CSNK1E: variants seen among roughly 807,000 people sequenced by gnomAD.
CSNK1E encodes the protein casein kinase I isoform epsilon.
In CSNK1E, 17 loss-of-function variants were observed where a neutral mutation model predicts 46.1. The ratio of observed to expected loss-of-function variants is 0.37; its 90% CI spans 0.25 to 0.55. CSNK1E has a LOEUF of 0.55. Ranked by LOEUF, CSNK1E falls within the 20% of genes least tolerant of loss-of-function variation. The pLI, the probability that CSNK1E is intolerant of heterozygous loss-of-function variation, is 0.82. For synonymous variants in CSNK1E, 241 were observed against 242.6 expected (o/e 0.99, Z 0.06); for missense variants, 386 against 595.4 (o/e 0.65, Z 3.66).
chr22:38,304,185 G>A (rs983712600), intron 2 of CSNK1E, among the ~76,000 whole-genome samples: 19 of 152,136 alleles, frequency 1.2e-4, no homozygotes, highest in African/African-American at 4.3e-4. Flanking sequence ...GGACAGTGTC[G>A]CAACAGGACA....
At chr22:38,296,090 G>C in intron 7 of CSNK1E, 1 of 896,358 alleles carries the variant, frequency 1.1e-6, no homozygotes, top group Non-Finnish European at 1.3e-6. Flanking sequence ...CAGAGGGCTG[G>C]AGCCCCTGCC....
rs1283375542 is a variant in CSNK1E, at chr22:38,317,423, CG to C, written c.-277del. 4 of 129,286 alleles carry C rather than the reference CG, an allele frequency of 3.1e-5. No individual in the cohort carries two copies. The highest frequency in any genetic ancestry group is 1.1e-4 in the African/African-American group (4 of 35,860). 8.0% of individuals were successfully genotyped at this position (129,286 alleles called of 1,614,324 possible). A position where few individuals can be genotyped will look rare whatever the true frequency, so the allele number is the denominator to read the frequency against. ...CGCCCGCCCGCCCCCGCCGCCGGCTCGCGCGCTCTCGCACCGCGCGCGCCCG... is the reference window on the plus strand; with the variant it reads ...CGCCCGCCCGCCCCCGCCGCCGGCTCCGCGCTCTCGCACCGCGCGCGCCCG... On this transcript the variant is annotated 5_prime_UTR_variant, in exon 1 of 11. Coordinates refer to ENST00000396832, the MANE Select transcript of CSNK1E (RefSeq NM_152221.3).
Position 38,309,936 on chromosome 22 carries a change from T to C in CSNK1E, c.76+4146A>G, listed in dbSNP as rs957187313. Among the ~76,000 whole-genome samples, 6 of 152,196 alleles carry C rather than the reference T, an allele frequency of 3.9e-5. No homozygotes were observed. The highest frequency in any genetic ancestry group is 1.4e-4 in the African/African-American group (6 of 41,452). The stretch of plus-strand genomic sequence containing the variant: ...CAGGTCCTGCCACCAATGAGTTCCT[T>C]GGTGGCCTCTAAATTCTATCAGGAA... On this transcript the variant is annotated intron_variant, in intron 2 of 10. Coordinates refer to ENST00000396832, the MANE Select transcript of CSNK1E (RefSeq NM_152221.3). This position sits in a 1 kb window ranked among gnomAD's most constrained non-coding sequence, Gnocchi z 4.8.
rs191839902 is a variant in CSNK1E, at chr22:38,315,155, G to A, written c.-12-986C>T. On this transcript the variant is annotated intron_variant, in intron 1 of 10. Coordinates refer to ENST00000396832, the MANE Select transcript of CSNK1E (RefSeq NM_152221.3). The stretch of plus-strand genomic sequence containing the variant: ...CCTGCAGATGGTACAGCCTCGCCGA[G>A]GACAGGGCTCCGGCTGTCCCACCTG... 3.6e-3 allele frequency among the ~76,000 whole-genome samples: 549 copies of A among 152,354 alleles called. 2 individuals are homozygous for A. The highest frequency in any genetic ancestry group is 0.012 in the African/African-American group (514 of 41,580).
At chr22:38,307,233 TTTACATTGTA>T (rs1206765899) in intron 2 of CSNK1E, among the ~76,000 whole-genome samples, 1 of 152,076 alleles carries the variant, frequency 6.6e-6, no homozygotes, top group Non-Finnish European at 1.5e-5. Context: ...TTACATAGCA[TTTACATTGTA>T]TTAGGTATTA....
intron 7 of CSNK1E, among the ~76,000 whole-genome samples, chr22:38,295,707 C>T (rs1374401706): frequency 6.6e-6 from 1 of 152,214 alleles, no homozygotes; most frequent in Non-Finnish European, 1.5e-5. Flanking sequence ...GCCTCTGCCA[C>T]CTAGTCCCAC....
At chr22:38,295,647 G>T (rs2092636529) in intron 7 of CSNK1E, among the ~76,000 whole-genome samples, 1 of 152,194 alleles carries the variant, frequency 6.6e-6, no homozygotes, top group Non-Finnish European at 1.5e-5. Flanking sequence ...GAGGCCTTGT[G>T]ACCTGCCCGG....
intron 7 of CSNK1E, chr22:38,297,222 AC>A (rs1258371005): frequency 4.0e-6 from 3 of 749,734 alleles, no homozygotes; most frequent in Non-Finnish European, 7.5e-6. Context: ...CACGAACCAG[AC>A]GTGGGAGTGA....
At position 38,300,779 on chromosome 22, in the gene CSNK1E, G is replaced by C; in HGVS notation, c.510C>G (p.Asn170Lys). The C allele has an allele frequency of 1.2e-6, 2 of 1,614,252 alleles. No individual in the cohort carries two copies. Among genetic ancestry groups the C allele is most frequent in the Non-Finnish European group, 1.7e-6 (2 of 1,180,034 alleles). Residue 170 changes from asparagine (N) to lysine (K), a missense_variant, in exon 5 of 11, where the codon AAC (asparagine) becomes AAG (lysine). Asn to Lys is a moderately conservative substitution (Grantham distance 94). Around this residue, in one of 2 missense-constraint regions of CSNK1E, gnomAD observed 212 missense variants for 410.2 expected, o/e 0.52. Transcript: ENST00000396832. This position sits in a 1 kb window ranked among gnomAD's most constrained non-coding sequence, Gnocchi z 4.4. ...AGCGGGCCGTGCCGGTCAGGTTCTT[G>C]TTTTCCCGGTAGGGAATGTGCTGGT... The part of the protein sequence containing the change: ...RTHQHIPYRE[N>K]KNLTGTARYA...
chr22:38,297,146 C>T (rs746167138), intron 7 of CSNK1E: 2 of 778,874 alleles, frequency 2.6e-6, no homozygotes, highest in African/African-American at 3.4e-5. Context: ...CCATCTTGGA[C>T]AGTGTCCGTC....
In CSNK1E at chr22:38,300,658, G is replaced by A. The variant is rs558261377; in HGVS notation, c.565+66C>T. 85 of 1,486,564 alleles carry A rather than the reference G, an allele frequency of 5.7e-5. No individual in the cohort carries two copies. The African/African-American group carries it at 9.4e-4, about 16-fold the overall frequency. 92.1% of individuals were successfully genotyped at this position (1,486,564 alleles called of 1,614,324 possible). A position where few individuals can be genotyped will look rare whatever the true frequency, so the allele number is the denominator to read the frequency against. ...CTCCATCAGGGTAGGGGGTGAGAGG[G>A]CTCCAGAGAGCTGGGCCCCAGCCAG... is the stretch of plus-strand genomic sequence containing the variant. On this transcript the variant is annotated intron_variant, in intron 5 of 10. Coordinates refer to ENST00000396832, the MANE Select transcript of CSNK1E (RefSeq NM_152221.3). The surrounding 1 kb of genome is among the most constrained non-coding windows in gnomAD (Gnocchi z 4.4).
rs2092629921 is a variant in CSNK1E at position 38,294,549 on chromosome 22, G to A, written c.886-15C>T. 2.5e-5 allele frequency: 39 copies of A among 1,570,142 alleles called. No individual in the cohort carries two copies. Among genetic ancestry groups the A allele is most frequent in the Non-Finnish European group, 3.4e-5 (39 of 1,160,188 alleles). On this transcript the variant is annotated splice_polypyrimidine_tract_variant and intron_variant, in intron 7 of 10. Transcript: ENST00000396832. The surrounding 1 kb of genome is among the most constrained non-coding windows in gnomAD (Gnocchi z 5.5). Reference sequence around the variant, plus strand: ...CGGGCTGCACCCTGCAGGGATGCAAGAAAAGACACCAGTCAGCCCCAGAGG... The same window carrying A: ...CGGGCTGCACCCTGCAGGGATGCAAAAAAAGACACCAGTCAGCCCCAGAGG...
At chr22:38,302,445 A>G (rs553543429) in intron 4 of CSNK1E, among the ~76,000 whole-genome samples, 8 of 152,274 alleles carry the variant, frequency 5.3e-5, no homozygotes, top group Admixed American at 3.9e-4. Flanking sequence ...CTGAAATCAC[A>G]TTTTAAATAA....
chr22:38,309,309 CTGAT>C lies in CSNK1E; in HGVS notation c.76+4769_76+4772del, dbSNP rs2092711353. Reference sequence around the variant, plus strand: ...GCCCTGCCTGGGCAGGGTGCAGAAACTGATTGACACTTTGGAGGCAGGGCCTGCA... The same window carrying C: ...GCCCTGCCTGGGCAGGGTGCAGAAACTGACACTTTGGAGGCAGGGCCTGCA... On this transcript the variant is annotated intron_variant, in intron 2 of 10. Transcript: ENST00000396832. The surrounding 1 kb of genome is among the most constrained non-coding windows in gnomAD (Gnocchi z 4.8). Among the ~76,000 whole-genome samples the C allele has an allele frequency of 6.6e-6, 1 of 152,194 alleles. No individual in the cohort carries two copies. The highest frequency in any genetic ancestry group is 2.4e-5 in the African/African-American group (1 of 41,452).
chr22:38,314,798 C>T (rs142215031), intron 1 of CSNK1E, among the ~76,000 whole-genome samples: 50 of 152,314 alleles, frequency 3.3e-4, no homozygotes, highest in African/African-American at 1.2e-3. Context: ...TTTTAGCCGC[C>T]TGCCCCGGAT....
At chr22:38,295,785 T>A (rs1271542824) in intron 7 of CSNK1E, among the ~76,000 whole-genome samples, 1 of 152,166 alleles carries the variant, frequency 6.6e-6, no homozygotes, top group African/African-American at 2.4e-5. Context: ...AAGATGCATC[T>A]TCCCATCCTC....
In CSNK1E at chr22:38,298,674, C is replaced by T. The variant is rs757024974; in HGVS notation, c.885+112G>A. On this transcript the variant is annotated intron_variant, in intron 7 of 10. Coordinates refer to ENST00000396832, the MANE Select transcript of CSNK1E (RefSeq NM_152221.3). This position sits in a 1 kb window ranked among gnomAD's most constrained non-coding sequence, Gnocchi z 4.2. The stretch of plus-strand genomic sequence containing the variant: ...GTGAGGTCAACCACACTGTCCAGCT[C>T]GTACCTCCCGTCTGTCGGGAGCCCC... 2.4e-5 allele frequency: 31 copies of T among 1,270,706 alleles called. No homozygotes were observed. Among genetic ancestry groups the T allele is most frequent in the East Asian group, 9.3e-5 (4 of 43,056 alleles). The allele number at this position is 1,270,706 out of a possible 1,614,324, so 78.7% of individuals were successfully genotyped here.
chr22:38,314,796 G>A (rs945947707), intron 1 of CSNK1E, among the ~76,000 whole-genome samples: 5 of 152,184 alleles, frequency 3.3e-5, no homozygotes, highest in Admixed American at 6.5e-5. Context: ...GGTTTTAGCC[G>A]CCTGCCCCGG....
chr22:38,295,181 G>A (rs1030551842), intron 7 of CSNK1E, among the ~76,000 whole-genome samples: 3 of 152,190 alleles, frequency 2.0e-5, no homozygotes, highest in African/African-American at 7.2e-5. Context: ...GCCTGCCTTG[G>A]GACAGAAGCT....
Sources: gnomAD v4.1 joint callset for allele counts (sites outside exome capture counted in the v4.1 genomes callset) on GRCh38, gnomAD v4.1.1 for gene constraint, gnomAD v4.1.1 regional missense constraint, Gnocchi (gnomAD v3.1) non-coding constraint, MANE v1.5 for transcripts, NCBI Gene and HGNC (gene_info 2026-07-23, HGNC 2026-07-21) for gene names.